NID2: variants seen among roughly 807,000 people sequenced by gnomAD.
The protein encoded by NID2 is nidogen 2.
A neutral mutation model predicts 145.4 loss-of-function variants in NID2; 83 were observed. The ratio of observed to expected loss-of-function variants is 0.57; its 90% CI spans 0.48 to 0.69. The LOEUF is 0.69. Among genes scored for constraint, NID2 ranks in the 30% least tolerant of loss-of-function variants. NID2 has a pLI of 0.00. For missense variants in NID2, 1,807 were observed against 1,765.7 expected, an observed-to-expected ratio of 1.02 and a Z score of -0.42; for synonymous variants, 739 against 701.3, an observed-to-expected ratio of 1.05 and a Z score of -0.85.
intron 9 of NID2, 147 bp from the exon 10 acceptor site, chr14:52,029,837 G>T: frequency 1.5e-6 from 1 of 655,660 alleles, no homozygotes; most frequent in Non-Finnish European, 2.5e-6. Flanking sequence ...CTGAAGCTAG[G>T]GTGGATTTTC....
rs1477152031 is a variant in NID2 at position 52,067,427 on chromosome 14, G to GA, written c.534+430dup. The stretch of plus-strand genomic sequence containing the variant: ...AGAAAAAACTCTGAAAATGTACGCA[G>GA]AAAAATGTTTATCAGTGGTGGGAAA... On this transcript the variant is annotated intron_variant, in intron 2 of 21. Coordinates refer to ENST00000216286, the MANE Select transcript of NID2 (RefSeq NM_007361.4). Among the ~76,000 whole-genome samples, 3 of 152,284 alleles carry GA rather than the reference G, an allele frequency of 2.0e-5. No individual in the cohort carries two copies. The East Asian group carries it at 5.8e-4, about 29-fold the overall frequency.
chr14:52,016,979 G>C (rs1304698319), intron 14 of NID2, among the ~76,000 whole-genome samples: 1 of 152,192 alleles, frequency 6.6e-6, no homozygotes, highest in Non-Finnish European at 1.5e-5. Flanking sequence ...CATGACCCAT[G>C]GGAGACAAAG....
rs1159366459 is a variant in NID2, at chr14:52,057,380, A to G, written c.767+2744T>C. Reference sequence around the variant, plus strand: ...TGCATACTAAGGCATTTAGCAATGAACTGGCATGATGTTTGTGACTTACTT... The same window carrying G: ...TGCATACTAAGGCATTTAGCAATGAGCTGGCATGATGTTTGTGACTTACTT... On this transcript the variant is annotated intron_variant, in intron 3 of 21. Transcript: ENST00000216286. Among the ~76,000 whole-genome samples the G allele has an allele frequency of 3.3e-5, 5 of 152,110 alleles. No individual in the cohort carries two copies. In the East Asian group the frequency reaches 9.6e-4, roughly 29 times the overall value.
intron 6 of NID2, among the ~76,000 whole-genome samples, 165 bp from the exon 7 acceptor site, chr14:52,042,515 C>T (rs1892322295): frequency 7.9e-6 from 1 of 126,142 alleles, no homozygotes; most frequent in African/African-American, 3.2e-5. Flanking sequence ...GTCCTGCCTC[C>T]AGTCTGTTTT....
intron 12 of NID2, 127 bp downstream of exon 12, chr14:52,027,074 T>A (rs1034183669): frequency 2.1e-6 from 2 of 973,130 alleles, no homozygotes; most frequent in Admixed American, 8.3e-5. Flanking sequence ...TTTCTCACTA[T>A]TTTGGCAGCC....
Position 52,006,549 on chromosome 14 carries a change from G to T in NID2, c.3992C>A (p.Thr1331Lys). The T allele has an allele frequency of 6.8e-6, 11 of 1,613,722 alleles. No individual in the cohort carries two copies. Among genetic ancestry groups the T allele is most frequent in the Non-Finnish European group, 9.3e-6 (11 of 1,179,674 alleles). ...TTGTGGGGCTCACCTCCTCCAGTCT[G>T]TGTGGTAGAAGTGATCTGCATAGCT... ...IVSYADHFYH[T>K]DWRRDGVVSV... The change falls in exon 20 of 22, where the codon ACA becomes AAA. Residue 1331 changes from threonine (T) to lysine (K), a missense_variant. Transcript: ENST00000216286.
Position 52,060,364 on chromosome 14 carries a change from GAA to G in NID2, c.535-10_535-9del, listed in dbSNP as rs71121681. ...TGCCTGGAAAGTGTTCAGCTGTGAG[GAA>G]AAAAAAAAAAAAAGAGAGAGAGAGA... On this transcript the variant is annotated splice_polypyrimidine_tract_variant and intron_variant, in intron 2 of 21. Transcript: ENST00000216286. The G allele has an allele frequency of 0.011, 8,068 of 723,608 alleles. No individual in the cohort carries two copies. Among genetic ancestry groups the G allele is most frequent in the South Asian group, 0.018 (370 of 20,434 alleles). The allele number at this position is 723,608 out of a possible 1,614,324, so 44.8% of individuals were successfully genotyped here. A position where few individuals can be genotyped will look rare whatever the true frequency, so the allele number is the denominator to read the frequency against.
At chr14:52,017,621 C>T (rs572547442) in intron 14 of NID2, among the ~76,000 whole-genome samples, 6 of 151,974 alleles carry the variant, frequency 3.9e-5, no homozygotes, top group Non-Finnish European at 8.8e-5. Context: ...CCAAAGGCAC[C>T]TCCCAACCAT....
intron 11 of NID2, among the ~76,000 whole-genome samples, chr14:52,027,999 A>C (rs1891652600): frequency 6.6e-6 from 1 of 152,190 alleles, no homozygotes; most frequent in Non-Finnish European, 1.5e-5. Context: ...CAGAAGAGGT[A>C]ATTTGTTACA....
At chr14:52,061,458 C>A (rs536850239) in intron 2 of NID2, among the ~76,000 whole-genome samples, 2 of 152,300 alleles carry the variant, frequency 1.3e-5, no homozygotes, top group East Asian at 1.9e-4. Flanking sequence ...GAGCAAAAGA[C>A]AGGCTTTGCC....
intron 9 of NID2, among the ~76,000 whole-genome samples, chr14:52,031,678 C>CA (rs1285929796): frequency 3.9e-5 from 6 of 152,216 alleles, no homozygotes; most frequent in Admixed American, 6.5e-5. Flanking sequence ...TGTAGGCAGA[C>CA]ACTGGCAGTA....
At chr14:52,023,912 G>A (rs11847418) in intron 12 of NID2, among the ~76,000 whole-genome samples, 27,095 of 152,108 alleles carry the variant, frequency 0.18, 3,106 homozygotes, top group East Asian at 0.51. Context: ...TTAGTTTGAT[G>A]GAGTAAAAGA....
At chr14:52,055,706 C>T (rs1309529348) in intron 3 of NID2, among the ~76,000 whole-genome samples, 1 of 152,080 alleles carries the variant, frequency 6.6e-6, no homozygotes, top group Non-Finnish European at 1.5e-5. Flanking sequence ...TTGTATACTC[C>T]TCTGATATTT....
Position 52,068,704 on chromosome 14 carries a change from T to G in NID2, c.228+63A>C, listed in dbSNP as rs537223559. 2.8e-6 allele frequency: 4 copies of G among 1,443,796 alleles called. No individual in the cohort carries two copies. In the Admixed American group the frequency reaches 5.1e-5, roughly 18 times the overall value. The allele number at this position is 1,443,796 out of a possible 1,614,324, so 89.4% of individuals were successfully genotyped here. ...GTTTCCTCCCCTCTGGAGGCAGGGT[T>G]TCCGTGAGACCGACCCCAGGGAAGA... On this transcript the variant is annotated intron_variant, in intron 1 of 21. Transcript: ENST00000216286.
intron 14 of NID2, among the ~76,000 whole-genome samples, chr14:52,017,250 T>C (rs753924472): frequency 2.6e-5 from 4 of 152,212 alleles, no homozygotes; most frequent in Non-Finnish European, 5.9e-5. Context: ...CACTCATACA[T>C]GGGCATCCCT....
chr14:52,018,965 T>C (rs1891308471), intron 14 of NID2, 96 bp downstream of exon 14: 1 of 815,840 alleles, frequency 1.2e-6, no homozygotes. Flanking sequence ...CTATGAAGGA[T>C]GGTGACTGGC....
chr14:52,038,904 G>A lies in NID2; in HGVS notation c.2100C>T (p.Ile700=). The change falls in exon 9 of 22, where the codon ATC becomes ATT. Residue 700 remains isoleucine (I), a synonymous_variant. Transcript: ENST00000216286. Reference sequence around the variant, plus strand: ...ACACCTGGTAAGTGATGTTCTGGTGGATGCGGTAGGACCATGTTTGGTTGA... The same window carrying A: ...ACACCTGGTAAGTGATGTTCTGGTGAATGCGGTAGGACCATGTTTGGTTGA... ...GAINQTWSYR[I]HQNITYQVCR... is the part of the protein sequence containing the mutation. 6.2e-7 allele frequency: 1 copy of A among 1,614,174 alleles called. No individual in the cohort carries two copies. Among genetic ancestry groups the A allele is most frequent in the Non-Finnish European group, 8.5e-7 (1 of 1,180,030 alleles).
chr14:52,030,235 A>C (rs546531564), intron 9 of NID2, among the ~76,000 whole-genome samples: 1 of 152,284 alleles, frequency 6.6e-6, no homozygotes, highest in South Asian at 2.1e-4. Flanking sequence ...AAGATTTCTA[A>C]GACTAAACAG....
At position 52,014,418 on chromosome 14, in the gene NID2, G is replaced by T; in HGVS notation, c.3289C>A (p.Pro1097Thr). 6.2e-7 allele frequency: 1 copy of T among 1,613,942 alleles called. No homozygotes were observed. Among genetic ancestry groups the T allele is most frequent in the Non-Finnish European group, 8.5e-7 (1 of 1,179,884 alleles). The change falls in exon 16 of 22, where the codon CCC becomes ACC. Residue 1097 changes from proline to threonine, a missense_variant. Physicochemically the swap from Pro to Thr is conservative, Grantham distance 38. Coordinates refer to ENST00000216286, the MANE Select transcript of NID2 (RefSeq NM_007361.4). ...GATGGAGGGGTCACATCTGGCCGGG[G>T]CGTGGGCCGGACCATGGGTGGAGCG... The part of the protein sequence containing the change: ...TVAPPMVRPT[P>T]RPDVTPPSVG...
Sources: allele counts gnomAD v4.1 joint callset (sites outside exome capture counted in the v4.1 genomes callset), GRCh38; gene constraint gnomAD v4.1.1; transcripts MANE v1.5; gene names NCBI Gene and HGNC (gene_info 2026-07-23, HGNC 2026-07-21).